HLA-G: variants seen among roughly 807,000 people sequenced by gnomAD.
The protein encoded by HLA-G is HLA class I histocompatibility antigen, alpha chain G.
A neutral mutation model predicts 39.3 loss-of-function variants in HLA-G; 34 were observed. The observed-to-expected ratio is 0.86, with a 90% CI of 0.66 to 1.15. The LOEUF is 1.15. Among genes scored for constraint, HLA-G ranks in the 50% most tolerant of loss-of-function variants. The pLI, the probability that HLA-G is intolerant of heterozygous loss-of-function variation, is 0.00. For synonymous variants in HLA-G, 183 were observed against 185.8 expected, an observed-to-expected ratio of 0.99 and a Z score of 0.12; for missense variants, 419 against 456.4, an observed-to-expected ratio of 0.92 and a Z score of 0.75.
chr6:29,827,154 A>G, upstream of HLA-G: 1 of 468,430 alleles, frequency 2.1e-6, no homozygotes, highest in East Asian at 6.9e-5. Context: ...TTATATACCA[A>G]CAGGCCAAAG....
At chr6:29,826,934 T>C (rs1562465654), upstream of HLA-G, 3 of 474,090 alleles carry the variant, frequency 6.3e-6, no homozygotes, top group Admixed American at 7.0e-5. Flanking sequence ...AACTGTGAGG[T>C]GAATAAAGTT....
At position 29,828,543 on chromosome 6, in the gene HLA-G, G is replaced by T. The variant is rs1282195283; in HGVS notation, c.344G>T (p.Ser115Ile). 1.2e-6 allele frequency: 2 copies of T among 1,612,360 alleles called. No individual in the cohort carries two copies. Among genetic ancestry groups the T allele is most frequent in the Non-Finnish European group, 8.5e-7 (1 of 1,179,578 alleles). The change falls in exon 3 of 7, where the codon AGT becomes ATT. Residue 115 changes from serine to isoleucine, a missense_variant and splice_region_variant. By Grantham distance (142) the Ser-to-Ile change is moderately radical (BLOSUM62 -2). This residue lies in a region of HLA-G where 328 missense variants were observed against 323.0 expected (regional missense o/e 1.02). Coordinates refer to ENST00000360323, the MANE Select transcript of HLA-G (RefSeq NM_001384290.1). ...LRGYYNQSEA[S>I]SHTLQWMIGC... is the part of the protein sequence containing the mutation. ...GGGCTGACCGAGGGGGTGGGGCCAGGTTCTCACACCCTCCAGTGGATGATT... is the reference window on the plus strand; with the variant it reads ...GGGCTGACCGAGGGGGTGGGGCCAGTTTCTCACACCCTCCAGTGGATGATT...
rs1562473134 is a variant in HLA-G, at chr6:29,830,363, AT to A, written c.1013-11del. The A allele has an allele frequency of 6.2e-7, 1 of 1,612,810 alleles. No homozygotes were observed. The highest frequency in any genetic ancestry group is 2.2e-5 in the East Asian group (1 of 44,848). On this transcript the variant is annotated splice_polypyrimidine_tract_variant and intron_variant, in intron 5 of 6. Transcript: ENST00000360323. ...CCACCTTTCTGGCCTCTCACAGGACATTTTCTTCCCACAGATTGAAAAGGAG... is the reference window on the plus strand; with the variant it reads ...CCACCTTTCTGGCCTCTCACAGGACATTTCTTCCCACAGATTGAAAAGGAG...
In HLA-G at chr6:29,828,692, C is replaced by A. The variant is rs769348329; in HGVS notation, c.493C>A (p.Gln165Lys). 2 of 1,613,674 alleles carry A rather than the reference C, an allele frequency of 1.2e-6. No individual in the cohort carries two copies. The highest frequency in any genetic ancestry group is 8.5e-7 in the Non-Finnish European group (1 of 1,180,024). Reference protein sequence around the residue: ...RSWTAADTAAQISKRKCEAAN... With the variant: ...RSWTAADTAAKISKRKCEAAN... ...CTGGACCGCAGCGGACACTGCGGCT[C>A]AGATCTCCAAGCGCAAGTGTGAGGC... Residue 165 changes from glutamine to lysine, a missense_variant, in exon 3 of 7, where the codon CAG becomes AAG. This residue lies in a region of HLA-G where 328 missense variants were observed against 323.0 expected (regional missense o/e 1.02). Coordinates refer to ENST00000360323, the MANE Select transcript of HLA-G (RefSeq NM_001384290.1).
Position 29,829,402 on chromosome 6 carries a change from T to C in HLA-G, c.620-16T>C, listed in dbSNP as rs1358148934. ...AGAGATGCAAAGTGCTTGAATTTTC[T>C]GACTCTTCCTTTCAGACCCCCCCAA... On this transcript the variant is annotated splice_polypyrimidine_tract_variant and intron_variant, in intron 3 of 6. Coordinates refer to ENST00000360323, the MANE Select transcript of HLA-G (RefSeq NM_001384290.1). 6.8e-6 allele frequency: 11 copies of C among 1,611,020 alleles called. No homozygotes were observed. Among genetic ancestry groups the C allele is most frequent in the Non-Finnish European group, 7.6e-6 (9 of 1,178,114 alleles).
At chr6:29,827,452 G>A, upstream of HLA-G, 1 of 355,828 alleles carries the variant, frequency 2.8e-6, no homozygotes, top group Non-Finnish European at 5.5e-6. Context: ...CAGGGATTCC[G>A]GGATGAAAAG....
chr6:29,828,704 C>T lies in HLA-G; in HGVS notation c.505C>T (p.Arg169Cys). The change falls in exon 3 of 7, where the codon CGC becomes TGC. Residue 169 changes from arginine (R) to cysteine (C), a missense_variant. Transcript: ENST00000360323. ...AADTAAQISK[R>C]KCEAANVAEQ... is the part of the protein sequence containing the mutation. ...GGACACTGCGGCTCAGATCTCCAAG[C>T]GCAAGTGTGAGGCGGCCAATGTGGC... The T allele has an allele frequency of 1.2e-6, 2 of 1,613,754 alleles. No individual in the cohort carries two copies. Among genetic ancestry groups the T allele is most frequent in the Non-Finnish European group, 1.7e-6 (2 of 1,180,044 alleles).
chr6:29,830,232 G>A, intron 5 of HLA-G, 146 bp from the exon 6 acceptor site: 1 of 947,468 alleles, frequency 1.1e-6, no homozygotes, highest in Non-Finnish European at 1.7e-6. Context: ...ACCCACATCT[G>A]CTTTCCTTGT....
At chr6:29,827,617 G>A (rs1440515559), upstream of HLA-G, 1 of 581,892 alleles carries the variant, frequency 1.7e-6, no homozygotes, top group African/African-American at 1.9e-5. Context: ...GGCTCTCAGG[G>A]TCTCAGGCCC....
In HLA-G at chr6:29,829,667, T is replaced by G. The variant is rs111233577; in HGVS notation, c.869T>G (p.Leu290Arg). 2 of 1,613,360 alleles carry G rather than the reference T, an allele frequency of 1.2e-6. No homozygotes were observed. The highest frequency in any genetic ancestry group is 1.3e-5 in the African/African-American group (1 of 74,748). The change falls in exon 4 of 7, where the codon CTG becomes CGG. Residue 290 changes from leucine to arginine, a missense_variant. Leu to Arg is a moderately radical substitution (Grantham distance 102, BLOSUM62 -2). Transcript: ENST00000360323. ...ACGTGCCATGTGCAGCATGAGGGGCTGCCGGAGCCCCTCATGCTGAGATGG... is the reference window on the plus strand; with the variant it reads ...ACGTGCCATGTGCAGCATGAGGGGCGGCCGGAGCCCCTCATGCTGAGATGG... ...RYTCHVQHEG[L>R]PEPLMLRWKQ...
chr6:29,827,740 T>C, upstream of HLA-G: 2 of 1,165,570 alleles, frequency 1.7e-6, no homozygotes, highest in Non-Finnish European at 1.3e-6. Flanking sequence ...CAGTTCTCAC[T>C]CCCATTAGGT....
Position 29,829,407 on chromosome 6 carries a change from C to G in HLA-G, c.620-11C>G. On this transcript the variant is annotated splice_polypyrimidine_tract_variant and intron_variant, in intron 3 of 6. Coordinates refer to ENST00000360323, the MANE Select transcript of HLA-G (RefSeq NM_001384290.1). ...TGCAAAGTGCTTGAATTTTCTGACT[C>G]TTCCTTTCAGACCCCCCCAAGACAC... 6.2e-7 allele frequency: 1 copy of G among 1,612,180 alleles called. No individual in the cohort carries two copies.
intron 2 of HLA-G, 87 bp from the exon 3 acceptor site, chr6:29,828,456 C>A: frequency 6.6e-7 from 1 of 1,525,426 alleles, no homozygotes; most frequent in Non-Finnish European, 8.8e-7. Context: ...TGGGAGAACC[C>A]CAAGGCGCCT....
In HLA-G at chr6:29,830,362, C is replaced by T. The variant is rs770546386; in HGVS notation, c.1013-16C>T. 33 of 1,613,500 alleles carry T rather than the reference C, an allele frequency of 2.0e-5. No homozygotes were observed. The highest frequency in any genetic ancestry group is 2.4e-5 in the Non-Finnish European group (28 of 1,179,562). Reference sequence around the variant, plus strand: ...GCCACCTTTCTGGCCTCTCACAGGACATTTTCTTCCCACAGATTGAAAAGG... The same window carrying T: ...GCCACCTTTCTGGCCTCTCACAGGATATTTTCTTCCCACAGATTGAAAAGG... On this transcript the variant is annotated splice_polypyrimidine_tract_variant and intron_variant, in intron 5 of 6. Transcript: ENST00000360323.
upstream of HLA-G, chr6:29,826,919 C>A: frequency 2.1e-6 from 1 of 469,356 alleles, no homozygotes; most frequent in Non-Finnish European, 4.4e-6. Context: ...GCACTGAACA[C>A]TTACAACTGT....
intron 2 of HLA-G, 47 bp from the exon 3 acceptor site, chr6:29,828,496 C>A (rs541698518): frequency 1.9e-6 from 3 of 1,593,172 alleles, no homozygotes; most frequent in East Asian, 4.5e-5. Flanking sequence ...TGGGTCCGGG[C>A]GAGGGCGAGG....
In HLA-G at chr6:29,829,431, A is replaced by G; in HGVS notation, c.633A>G (p.Thr211=). ...EMLQRADPPK[T]HVTHHPVFDY... ...TCTTCCTTTCAGACCCCCCCAAGAC[A>G]CACGTGACCCACCACCCTGTCTTTG... Residue 211 remains threonine (T), a synonymous_variant, in exon 4 of 7, where the codon ACA becomes ACG. Coordinates refer to ENST00000360323, the MANE Select transcript of HLA-G (RefSeq NM_001384290.1). The G allele has an allele frequency of 1.2e-6, 2 of 1,613,570 alleles. No individual in the cohort carries two copies. The highest frequency in any genetic ancestry group is 1.7e-6 in the Non-Finnish European group (2 of 1,179,678).
chr6:29,827,412 G>T, upstream of HLA-G: 1 of 353,434 alleles, frequency 2.8e-6, no homozygotes, highest in Non-Finnish European at 5.5e-6. Flanking sequence ...GACAGGCAAG[G>T]AGTGGGAGGC....
chr6:29,828,283 A>G lies in HLA-G; in HGVS notation c.310A>G (p.Thr104Ala), dbSNP rs1444084886. The change falls in exon 2 of 7, where the codon ACC becomes GCC. Residue 104 changes from threonine (T) to alanine (A), a missense_variant. This residue lies in a region of HLA-G where 328 missense variants were observed against 323.0 expected (regional missense o/e 1.02). Coordinates refer to ENST00000360323, the MANE Select transcript of HLA-G (RefSeq NM_001384290.1). ...HAQTDRMNLQ[T>A]LRGYYNQSEA... ...ACAGACTGACAGAATGAACCTGCAG[A>G]CCCTGCGCGGCTACTACAACCAGAG... 6.2e-7 allele frequency: 1 copy of G among 1,613,028 alleles called. No individual in the cohort carries two copies. The highest frequency in any genetic ancestry group is 1.3e-5 in the African/African-American group (1 of 74,800).
Sources: allele counts gnomAD v4.1 joint callset, GRCh38; gene constraint gnomAD v4.1.1; regional missense constraint gnomAD v4.1.1; transcripts MANE v1.5; gene names NCBI Gene and HGNC (gene_info 2026-07-23, HGNC 2026-07-21).